The following ITPR2 variants were observed in gnomAD, a reference collection of about 807,000 sequenced individuals.
ITPR2 encodes the protein inositol 1,4,5-trisphosphate-gated calcium channel ITPR2.
Under a neutral mutation model 317.1 loss-of-function variants are expected in ITPR2, and 207 were observed. The ratio of observed to expected loss-of-function variants is 0.65; its 90% CI spans 0.58 to 0.73. The LOEUF (loss-of-function observed/expected upper bound fraction) is 0.73. Among genes scored for constraint, ITPR2 ranks in the 30% least tolerant of loss-of-function variants. The pLI, the probability that ITPR2 is intolerant of heterozygous loss-of-function variation, is 0.00. For missense variants in ITPR2, 2,613 were observed against 3,284.0 expected (o/e 0.80, Z 4.99); for synonymous variants, 1,156 against 1,149.1 (o/e 1.01, Z -0.12).
chr12:26,638,581 G>A (rs1946913097), intron 21 of ITPR2, among the ~76,000 whole-genome samples: 1 of 152,160 alleles, frequency 6.6e-6, no homozygotes, highest in Non-Finnish European at 1.5e-5. Flanking sequence ...TTGGTTAAGT[G>A]ATTATGCCAA....
chr12:26,684,677 T>C (rs1229126954), intron 11 of ITPR2, among the ~76,000 whole-genome samples: 1 of 152,166 alleles, frequency 6.6e-6, no homozygotes, highest in Non-Finnish European at 1.5e-5. Flanking sequence ...TGAAAAGTAA[T>C]AGATTAATTA....
intron 2 of ITPR2, among the ~76,000 whole-genome samples, chr12:26,759,560 A>G (rs953365706): frequency 1.3e-5 from 2 of 152,248 alleles, no homozygotes; most frequent in African/African-American, 2.4e-5. Context: ...TAGCCAAATT[A>G]AATACAGAGT....
rs1940085264 is a variant in ITPR2 at position 26,398,864 on chromosome 12, C to A, written c.7696+12G>T. On this transcript the variant is annotated intron_variant, in intron 54 of 56. Coordinates refer to ENST00000381340, the MANE Select transcript of ITPR2 (RefSeq NM_002223.4). ...TATTCATCTATTATTTTAGCATCTG[C>A]CGAACACTTACCACAGATGAAACAA... The A allele has an allele frequency of 6.2e-7, 1 of 1,603,394 alleles. No homozygotes were observed. Among genetic ancestry groups the A allele is most frequent in the African/African-American group, 1.3e-5 (1 of 74,194 alleles).
rs1054512301 is a variant in ITPR2 at position 26,488,080 on chromosome 12, T to G, written c.5371-829A>C. On this transcript the variant is annotated intron_variant, in intron 39 of 56. Transcript: ENST00000381340. ...TTATGGAAGTGTCCAGGAGAAGCAG[T>G]AGGAGGTAGGAAAGATAACACATTC... Among the ~76,000 whole-genome samples, 17 of 152,040 alleles carry G rather than the reference T, an allele frequency of 1.1e-4. 1 individual carries two copies. The South Asian group carries it at 2.1e-3, about 19-fold the overall frequency.
Position 26,438,940 on chromosome 12 carries a change from T to C in ITPR2, c.6643+187A>G, listed in dbSNP as rs575196057. Among the ~76,000 whole-genome samples, 23 of 152,298 alleles carry C rather than the reference T, an allele frequency of 1.5e-4. No individual in the cohort carries two copies. In the South Asian group the frequency reaches 4.4e-3, roughly 29 times the overall value. Reference sequence around the variant, plus strand: ...ATTAGTTAGGGCTTTCTGTTTTCCTTAAGCTGCGGGTGTCTCGGCTCCAGT... The same window carrying C: ...ATTAGTTAGGGCTTTCTGTTTTCCTCAAGCTGCGGGTGTCTCGGCTCCAGT... On this transcript the variant is annotated intron_variant, in intron 47 of 56. Transcript: ENST00000381340.
chr12:26,339,586 TC>T, intron 56 of ITPR2, 103 bp from the exon 57 acceptor site: 1 of 772,792 alleles, frequency 1.3e-6, no homozygotes, highest in Non-Finnish European at 2.3e-6. Flanking sequence ...CTACCTACTG[TC>T]CAGCATCATA....
intron 21 of ITPR2, among the ~76,000 whole-genome samples, chr12:26,632,744 A>G (rs1946782806): frequency 6.6e-6 from 1 of 152,172 alleles, no homozygotes; most frequent in African/African-American, 2.4e-5. Flanking sequence ...AAACATGATC[A>G]TTTTCAATGA....
intron 37 of ITPR2, among the ~76,000 whole-genome samples, chr12:26,503,906 T>C (rs1943128593): frequency 2.0e-5 from 3 of 152,166 alleles, no homozygotes; most frequent in Admixed American, 2.0e-4. Flanking sequence ...ACAGCCATGG[T>C]TTTCACAGCT....
At chr12:26,766,898 T>C (rs1052463486) in intron 2 of ITPR2, among the ~76,000 whole-genome samples, 3 of 152,192 alleles carry the variant, frequency 2.0e-5, no homozygotes, top group Non-Finnish European at 4.4e-5. Flanking sequence ...TCTACAGCAC[T>C]AGAAAATGGA....
At chr12:26,802,118 T>C (rs1478046053) in intron 1 of ITPR2, among the ~76,000 whole-genome samples, 1 of 151,978 alleles carries the variant, frequency 6.6e-6, no homozygotes, top group Non-Finnish European at 1.5e-5. Context: ...TTGGGCAACA[T>C]TGCAAGACCC....
At chr12:26,618,715 TGTA>T (rs943870596) in intron 26 of ITPR2, among the ~76,000 whole-genome samples, 3 of 152,252 alleles carry the variant, frequency 2.0e-5, no homozygotes, top group African/African-American at 7.2e-5. Flanking sequence ...CAGCACTGCT[TGTA>T]GTAGCAAATT....
At chr12:26,730,536 A>G (rs1173726227) in intron 2 of ITPR2, among the ~76,000 whole-genome samples, 2 of 152,218 alleles carry the variant, frequency 1.3e-5, no homozygotes, top group Non-Finnish European at 2.9e-5. Context: ...CACAAATAAA[A>G]GGAAGTTATT....
intron 21 of ITPR2, chr12:26,649,125 A>G (rs530658250): frequency 2.0e-5 from 3 of 152,268 alleles, no homozygotes; most frequent in African/African-American, 7.2e-5. Flanking sequence ...AATAGTACAA[A>G]GAACTCCCAC....
chr12:26,364,983 C>T (rs1938960847), intron 55 of ITPR2, among the ~76,000 whole-genome samples: 1 of 152,192 alleles, frequency 6.6e-6, no homozygotes, highest in South Asian at 2.1e-4. Context: ...CCCAATATCA[C>T]TGCGTTCTAT....
intron 2 of ITPR2, among the ~76,000 whole-genome samples, chr12:26,737,999 C>T (rs1452183206): frequency 6.6e-6 from 1 of 151,966 alleles, no homozygotes; most frequent in African/African-American, 2.4e-5. Flanking sequence ...ACACGCTTTC[C>T]CCACAACACA....
chr12:26,736,693 C>G (rs1251728540), intron 2 of ITPR2, among the ~76,000 whole-genome samples: 1 of 152,128 alleles, frequency 6.6e-6, no homozygotes, highest in Non-Finnish European at 1.5e-5. Flanking sequence ...AGTATATTAT[C>G]ACTCCAAATA....
intron 37 of ITPR2, among the ~76,000 whole-genome samples, chr12:26,513,712 T>A (rs1238307429): frequency 6.6e-6 from 1 of 151,794 alleles, no homozygotes; most frequent in East Asian, 1.9e-4. Context: ...CTATCCAATT[T>A]TTCCACTGTC....
At chr12:26,797,796 A>T (rs1415070508) in intron 1 of ITPR2, among the ~76,000 whole-genome samples, 1 of 140,990 alleles carries the variant, frequency 7.1e-6, no homozygotes, top group Non-Finnish European at 1.5e-5. Flanking sequence ...GATTCACATG[A>T]CTCTCCTGTC....
intron 48 of ITPR2, among the ~76,000 whole-genome samples, chr12:26,428,472 T>C (rs1941124382): frequency 2.0e-5 from 3 of 152,162 alleles, no homozygotes; most frequent in South Asian, 2.1e-4. Flanking sequence ...CATTAAAAAA[T>C]TGAATTCATA....
Sources: allele counts gnomAD v4.1 joint callset (sites outside exome capture counted in the v4.1 genomes callset), GRCh38; gene constraint gnomAD v4.1.1; transcripts MANE v1.5; gene names NCBI Gene and HGNC (gene_info 2026-07-23, HGNC 2026-07-21).